Variants in C1QTNF3 observed in about 807,000 individuals in gnomAD.
The protein encoded by C1QTNF3 is C1q and TNF related 3, also known as complement C1q tumor necrosis factor-related protein 3.
A neutral mutation model predicts 32.6 loss-of-function variants in C1QTNF3; 26 were observed. The ratio of observed to expected loss-of-function variants is 0.80; its 90% CI spans 0.58 to 1.11. The LOEUF (loss-of-function observed/expected upper bound fraction) is 1.11. C1QTNF3 is among the 50% of genes least tolerant of loss of function. The pLI is 0.00. For synonymous variants in C1QTNF3, 155 were observed against 146.0 expected, an observed-to-expected ratio of 1.06 and a Z score of -0.44; for missense variants, 362 against 398.2, an observed-to-expected ratio of 0.91 and a Z score of 0.77.
chr5:34,139,820 T>C, the C1QTNF3 span, among the ~76,000 whole-genome samples: 3 of 152,328 alleles, frequency 2.0e-5, no homozygotes, highest in Non-Finnish European at 4.4e-5. Flanking sequence ...TTGAAATGGG[T>C]TAACATTAAT....
the C1QTNF3 span, among the ~76,000 whole-genome samples, chr5:34,226,737 C>A: frequency 9.1e-4 from 137 of 150,994 alleles, 1 homozygote; most frequent in South Asian, 7.1e-3. Context: ...GTTGACTGGA[C>A]AATCCTTAAC....
chr5:34,100,160 C>G, the C1QTNF3 span, among the ~76,000 whole-genome samples: 1 of 152,124 alleles, frequency 6.6e-6, no homozygotes, highest in African/African-American at 2.4e-5. Flanking sequence ...TTCATGTGTC[C>G]TCCAGAGGGG....
At chr5:34,224,647 T>A in the C1QTNF3 span, among the ~76,000 whole-genome samples, 2 of 152,136 alleles carry the variant, frequency 1.3e-5, no homozygotes, top group African/African-American at 2.4e-5. Context: ...ATACAAAAAT[T>A]AATTCAAGAT....
At chr5:34,167,742 G>A in the C1QTNF3 span, 2 of 152,150 alleles carry the variant, frequency 1.3e-5, no homozygotes, top group African/African-American at 2.4e-5. Flanking sequence ...CAAATAATTC[G>A]ATAATAAATA....
At chr5:34,213,175 C>T in the C1QTNF3 span, among the ~76,000 whole-genome samples, 18 of 152,068 alleles carry the variant, frequency 1.2e-4, no homozygotes, top group Non-Finnish European at 2.2e-4. Context: ...CACATAACAA[C>T]GTTTACATCA....
At chr5:34,127,093 A>T in the C1QTNF3 span, among the ~76,000 whole-genome samples, 2 of 152,172 alleles carry the variant, frequency 1.3e-5, no homozygotes, top group African/African-American at 4.8e-5. Context: ...CTATGAGTCA[A>T]TTAAAACTTT....
the C1QTNF3 span, among the ~76,000 whole-genome samples, chr5:34,072,473 T>C: frequency 6.6e-6 from 1 of 152,306 alleles, no homozygotes; most frequent in Admixed American, 6.5e-5. Context: ...AAATGATGGA[T>C]CATTTGTAGA....
chr5:34,210,704 A>G, the C1QTNF3 span, among the ~76,000 whole-genome samples: 1 of 152,078 alleles, frequency 6.6e-6, no homozygotes, highest in Non-Finnish European at 1.5e-5. Context: ...TAAATATGAT[A>G]CAACAGATAT....
At chr5:34,131,985 A>G in the C1QTNF3 span, among the ~76,000 whole-genome samples, 1 of 152,234 alleles carries the variant, frequency 6.6e-6, no homozygotes, top group Admixed American at 6.5e-5. Context: ...CTCAAATATT[A>G]AAACATTCGA....
chr5:34,089,173 C>T, the C1QTNF3 span, among the ~76,000 whole-genome samples: 1 of 152,146 alleles, frequency 6.6e-6, no homozygotes, highest in Non-Finnish European at 1.5e-5. Flanking sequence ...AAGCTGGTAT[C>T]GCTCTAACAG....
the C1QTNF3 span, among the ~76,000 whole-genome samples, chr5:34,235,251 T>A: frequency 6.6e-6 from 1 of 152,174 alleles, no homozygotes. Context: ...TTTCTGTCAC[T>A]GGATAATTCC....
At chr5:34,188,520 T>A in the C1QTNF3 span, among the ~76,000 whole-genome samples, 1 of 152,410 alleles carries the variant, frequency 6.6e-6, no homozygotes, top group African/African-American at 2.4e-5. Context: ...ATCACCTAGA[T>A]GTGACACATG....
intron 5 of C1QTNF3, among the ~76,000 whole-genome samples, chr5:34,022,115 T>C (rs922851953): frequency 6.6e-6 from 1 of 152,168 alleles, no homozygotes; most frequent in Non-Finnish European, 1.5e-5. Context: ...GAAAAGTATA[T>C]GGAGTGTGGT....
the C1QTNF3 span, among the ~76,000 whole-genome samples, chr5:34,156,224 C>T: frequency 7.9e-5 from 12 of 152,296 alleles, no homozygotes; most frequent in Admixed American, 4.6e-4. Flanking sequence ...GCGCCCACCA[C>T]CAAGCCCAGG....
upstream of C1QTNF3, among the ~76,000 whole-genome samples, chr5:34,044,192 TATTA>T (rs1754942477): frequency 6.6e-6 from 1 of 152,252 alleles, no homozygotes; most frequent in African/African-American, 2.4e-5. Context: ...GCTATACTTT[TATTA>T]ATTCAGCCAA....
chr5:34,023,452 C>T (rs895794234), intron 5 of C1QTNF3, among the ~76,000 whole-genome samples: 5 of 152,176 alleles, frequency 3.3e-5, no homozygotes, highest in African/African-American at 1.2e-4. Flanking sequence ...AATTATCACA[C>T]ATCATCAAAA....
chr5:34,139,451 T>C, the C1QTNF3 span, among the ~76,000 whole-genome samples: 1 of 152,136 alleles, frequency 6.6e-6, no homozygotes, highest in Non-Finnish European at 1.5e-5. Context: ...AAATTACTCT[T>C]GAGATCTTCA....
chr5:34,043,276 C>G (rs1455291125), upstream of C1QTNF3: 1 of 742,516 alleles, frequency 1.3e-6, no homozygotes, highest in East Asian at 2.7e-5. Flanking sequence ...TGTAGGCATG[C>G]CAGAGTGACA....
chr5:34,215,790 A>C, the C1QTNF3 span, among the ~76,000 whole-genome samples: 1 of 152,140 alleles, frequency 6.6e-6, no homozygotes, highest in Admixed American at 6.6e-5. Context: ...ATGCCACCAC[A>C]TAAGGCTAAC....
Sources: allele counts gnomAD v4.1 joint callset (sites outside exome capture counted in the v4.1 genomes callset), GRCh38; gene constraint gnomAD v4.1.1; transcripts MANE v1.5; gene names NCBI Gene and HGNC (gene_info 2026-07-23, HGNC 2026-07-21).